The following ASB2 variants were observed in gnomAD, a reference collection of about 807,000 sequenced individuals.
ASB2 encodes the protein ankyrin repeat and SOCS box containing 2.
Under a neutral mutation model 62.4 loss-of-function variants are expected in ASB2, and 58 were observed. The ratio of observed to expected loss-of-function variants is 0.93; its 90% CI spans 0.75 to 1.16. The LOEUF (loss-of-function observed/expected upper bound fraction) is 1.16. Ranked by LOEUF, ASB2 falls within the 50% of genes most tolerant of loss-of-function variation. The pLI is 0.00. For synonymous variants in ASB2, 386 were observed against 385.3 expected (o/e 1.00, Z -0.02); for missense variants, 928 against 887.9 (o/e 1.05, Z -0.57).
chr14:93,955,998 C>T (rs538749273), intron 3 of ASB2, among the ~76,000 whole-genome samples: 25 of 152,232 alleles, frequency 1.6e-4, no homozygotes, highest in African/African-American at 4.8e-4. Context: ...AAGTGGAGGG[C>T]GACAGGATTT....
rs1333396720 is a variant in ASB2 at position 93,955,188 on chromosome 14, C to T, written c.312-705G>A. The T allele has an allele frequency of 6.6e-6, 3 of 456,266 alleles. No homozygotes were observed. In the East Asian group the frequency reaches 2.1e-4, roughly 32 times the overall value. The allele number at this position is 456,266 out of a possible 1,614,324, so 28.3% of individuals were successfully genotyped here. ...TTGGGGAGGCTTCTGCATCAATAGT[C>T]CCATTTCCCAGATGGAGAAGGTGAG... On this transcript the variant is annotated intron_variant, in intron 3 of 9. Coordinates refer to ENST00000555019, the MANE Select transcript of ASB2 (RefSeq NM_001202429.2).
chr14:93,956,717 T>C, intron 3 of ASB2, 49 bp downstream of exon 3: 6 of 1,609,286 alleles, frequency 3.7e-6, no homozygotes, highest in Non-Finnish European at 5.1e-6. Context: ...GCCATCCCAG[T>C]TAGCGGAGTG....
At chr14:93,968,549 T>C (rs1457841931) in intron 1 of ASB2, among the ~76,000 whole-genome samples, 1 of 152,150 alleles carries the variant, frequency 6.6e-6, no homozygotes, top group Non-Finnish European at 1.5e-5. Context: ...GACACACACA[T>C]GGGTTTGGAG....
At position 93,964,421 on chromosome 14, in the gene ASB2, G is replaced by A. The variant is rs767854646; in HGVS notation, c.119C>T (p.Ala40Val). The change falls in exon 2 of 10, where the codon GCG becomes GTG. Residue 40 changes from alanine (A) to valine (V), a missense_variant. Transcript: ENST00000555019. ...LVQMAIEQSLADKTRGPTTAE... is the reference protein window; with the variant it reads ...LVQMAIEQSLVDKTRGPTTAE... ...AGTGGTTGGGCCCCTTGTCTTGTCC[G>A]CTAGGCTCTGCTCGATGGCCATCTG... 1.2e-5 allele frequency: 19 copies of A among 1,535,930 alleles called. No homozygotes were observed. The highest frequency in any genetic ancestry group is 1.1e-4 in the African/African-American group (8 of 73,006).
At chr14:93,954,900 C>G (rs1285962682) in intron 3 of ASB2, among the ~76,000 whole-genome samples, 1 of 152,064 alleles carries the variant, frequency 6.6e-6, no homozygotes, top group Non-Finnish European at 1.5e-5. Context: ...CTTGCCCTGT[C>G]GCTTATTCCT....
At chr14:93,959,137 C>T (rs1014822055) in intron 2 of ASB2, among the ~76,000 whole-genome samples, 2 of 152,186 alleles carry the variant, frequency 1.3e-5, no homozygotes, top group Non-Finnish European at 2.9e-5. Context: ...GATGAGGAAA[C>T]AGACAGACTG....
chr14:93,946,802 G>T (rs1414844884), intron 7 of ASB2, among the ~76,000 whole-genome samples: 2 of 152,186 alleles, frequency 1.3e-5, no homozygotes, highest in African/African-American at 4.8e-5. Context: ...CTTATCATTG[G>T]TGCTATTTGT....
intron 1 of ASB2, chr14:93,974,141 T>C (rs1889840375): frequency 6.6e-6 from 1 of 152,266 alleles, no homozygotes; most frequent in Non-Finnish European, 1.5e-5. Context: ...CTCTCTCCTC[T>C]GAGTTCCCCT....
intron 2 of ASB2, among the ~76,000 whole-genome samples, chr14:93,959,466 G>T (rs965651109): frequency 2.6e-4 from 40 of 152,256 alleles, no homozygotes; most frequent in Middle Eastern, 3.4e-3. Context: ...GCTGGGTTTC[G>T]TGCTCTCGCC....
chr14:93,961,785 C>A (rs140639478), intron 2 of ASB2, among the ~76,000 whole-genome samples: 445 of 152,244 alleles, frequency 2.9e-3, no homozygotes, highest in African/African-American at 0.01. Context: ...GCGTGTGTGC[C>A]GTGTGAATTT....
At chr14:93,947,592 C>T (rs572445349) in intron 6 of ASB2, 72 bp from the exon 7 acceptor site, 33 of 1,513,144 alleles carry the variant, frequency 2.2e-5, no homozygotes, top group Middle Eastern at 1.7e-4. Flanking sequence ...AACGCCACCG[C>T]GTGGTGGGCC....
At chr14:93,934,898 G>GT in intron 9 of ASB2, 106 bp from the exon 10 acceptor site, 2 of 921,408 alleles carry the variant, frequency 2.2e-6, no homozygotes, top group Non-Finnish European at 3.5e-6. Flanking sequence ...ATGTGGCTGG[G>GT]TAAGAGAGGG....
At chr14:93,956,988 C>T (rs751980728) in intron 2 of ASB2, 118 bp from the exon 3 acceptor site, 56 of 1,564,140 alleles carry the variant, frequency 3.6e-5, no homozygotes, top group Non-Finnish European at 4.5e-5. Flanking sequence ...GACTGACAGA[C>T]ACAGGGCTCT....
At chr14:93,947,560 G>C in intron 6 of ASB2, 40 bp from the exon 7 acceptor site, 1 of 1,605,784 alleles carries the variant, frequency 6.2e-7, no homozygotes, top group Non-Finnish European at 8.5e-7. Flanking sequence ...CCAAGTGACC[G>C]GGAAGTTGCT....
At chr14:93,953,267 C>T in intron 5 of ASB2, 85 bp downstream of exon 5, 1 of 1,239,192 alleles carries the variant, frequency 8.1e-7, no homozygotes, top group Non-Finnish European at 1.1e-6. Context: ...GGGGGTTATG[C>T]ACTTAACGGG....
At chr14:93,944,771 G>A (rs968703976) in intron 7 of ASB2, among the ~76,000 whole-genome samples, 1 of 152,218 alleles carries the variant, frequency 6.6e-6, no homozygotes, top group African/African-American at 2.4e-5. Flanking sequence ...GGGAATCCAC[G>A]TGAATCCAAG....
At chr14:93,943,809 A>G (rs1888622688) in intron 7 of ASB2, 1 of 384,726 alleles carries the variant, frequency 2.6e-6, no homozygotes, top group African/African-American at 2.1e-5. Context: ...TAATGGGGAT[A>G]TTAACTTGCT....
intron 1 of ASB2, among the ~76,000 whole-genome samples, chr14:93,975,460 C>A (rs4905122): frequency 0.64 from 97,162 of 152,096 alleles, 32,166 homozygotes; most frequent in East Asian, 0.98. Flanking sequence ...TGGGCCTCCA[C>A]CTCTGGGGCC....
At chr14:93,957,147 C>G (rs527405661) in intron 2 of ASB2, 1 of 1,354,454 alleles carries the variant, frequency 7.4e-7, no homozygotes, top group South Asian at 1.9e-5. Context: ...CCCGGTCCCC[C>G]TCCCCAGCCA....
Sources: allele counts gnomAD v4.1 joint callset (sites outside exome capture counted in the v4.1 genomes callset), GRCh38; gene constraint gnomAD v4.1.1; transcripts MANE v1.5; gene names NCBI Gene and HGNC (gene_info 2026-07-23, HGNC 2026-07-21).